Variants in DRD3 observed in about 807,000 individuals in gnomAD.
DRD3 encodes the protein dopamine receptor D3, also known as D(3) dopamine receptor.
A neutral mutation model predicts 36.3 loss-of-function variants in DRD3; 19 were observed. The observed-to-expected ratio is 0.52, with a 90% confidence interval of 0.36 to 0.77. The LOEUF is 0.77. Among genes scored for constraint, DRD3 ranks in the 30% least tolerant of loss-of-function variants. The pLI is 0.00. For synonymous variants in DRD3, 195 were observed against 203.7 expected (o/e 0.96, Z 0.36); for missense variants, 465 against 505.3 (o/e 0.92, Z 0.77).
rs546107061 is a variant in DRD3, at chr3:114,169,466, A to G, written c.270+2257T>C. Among the ~76,000 whole-genome samples the G allele has an allele frequency of 5.9e-4, 90 of 151,914 alleles. 1 individual carries two copies. Among genetic ancestry groups the G allele is most frequent in the African/African-American group, 2.1e-3 (88 of 41,462 alleles). Reference sequence around the variant, plus strand: ...TGTGTGAATATAGATTTTAAAAATCATGCTCTTATTGCTTCTCAGCCTTTT... The same window carrying G: ...TGTGTGAATATAGATTTTAAAAATCGTGCTCTTATTGCTTCTCAGCCTTTT... On this transcript the variant is annotated intron_variant, in intron 2 of 6. Coordinates refer to ENST00000383673, the MANE Select transcript of DRD3 (RefSeq NM_000796.6).
At chr3:114,131,941 C>A (rs142040385) in intron 5 of DRD3, among the ~76,000 whole-genome samples, 21 of 152,214 alleles carry the variant, frequency 1.4e-4, no homozygotes, top group African/African-American at 4.8e-4. Context: ...AGAATAGGCA[C>A]GCTTTTACAC....
At chr3:114,131,742 G>C (rs1219379026) in intron 5 of DRD3, among the ~76,000 whole-genome samples, 8 of 152,152 alleles carry the variant, frequency 5.3e-5, no homozygotes, top group Non-Finnish European at 8.8e-5. Flanking sequence ...CCATTAAAAA[G>C]TGGGCAAAGG....
Position 114,143,278 on chromosome 3 carries a change from C to A in DRD3, c.527-3582G>T, listed in dbSNP as rs59436054. Reference sequence around the variant, plus strand: ...AGAGGATAATGGAGAAGGCCTGTGCCGGGGGAGGGGAGGTTACTCCTCCTC... The same window carrying A: ...AGAGGATAATGGAGAAGGCCTGTGCAGGGGGAGGGGAGGTTACTCCTCCTC... On this transcript the variant is annotated intron_variant, in intron 4 of 6. Transcript: ENST00000383673. Among the ~76,000 whole-genome samples the A allele has an allele frequency of 5.5e-3, 832 of 152,278 alleles. 4 individuals carry two copies. The highest frequency in any genetic ancestry group is 0.019 in the African/African-American group (804 of 41,550).
At chr3:114,175,458 A>C (rs1451299410) in intron 1 of DRD3, among the ~76,000 whole-genome samples, 1 of 152,162 alleles carries the variant, frequency 6.6e-6, no homozygotes, top group African/African-American at 2.4e-5. Context: ...GACGATATTC[A>C]TGATGGCATT....
At chr3:114,135,728 C>T (rs1057226189) in intron 5 of DRD3, among the ~76,000 whole-genome samples, 13 of 151,764 alleles carry the variant, frequency 8.6e-5, no homozygotes, top group East Asian at 1.9e-4. Flanking sequence ...TTCCCTCTGT[C>T]GCCCAGGCTG....
chr3:114,134,117 A>T (rs1215231815), intron 5 of DRD3, among the ~76,000 whole-genome samples: 1 of 152,200 alleles, frequency 6.6e-6, no homozygotes, highest in Non-Finnish European at 1.5e-5. Context: ...TACGTAAGTT[A>T]TTCAGTGTCA....
chr3:114,192,459 G>A (rs556651742), intron 1 of DRD3, among the ~76,000 whole-genome samples: 18 of 152,272 alleles, frequency 1.2e-4, no homozygotes, highest in South Asian at 6.2e-4. Context: ...TCAATGCCTT[G>A]ATAATGCTTG....
chr3:114,156,880 TCTTTC>T (rs2077684500), intron 3 of DRD3, among the ~76,000 whole-genome samples: 2 of 1,950 alleles, frequency 1.0e-3, no homozygotes, highest in South Asian at 0.02. Context: ...TTTTTCTTTC[TCTTTC>T]TTTTCTTCTC....
At chr3:114,187,809 T>C (rs187273408) in intron 1 of DRD3, among the ~76,000 whole-genome samples, 41 of 152,320 alleles carry the variant, frequency 2.7e-4, no homozygotes, top group South Asian at 1.7e-3. Context: ...CTGTTACTTA[T>C]GTTTTAAAAA....
At chr3:114,158,823 A>G (rs2077705903) in intron 3 of DRD3, among the ~76,000 whole-genome samples, 1 of 152,156 alleles carries the variant, frequency 6.6e-6, no homozygotes, top group Non-Finnish European at 1.5e-5. Flanking sequence ...GATGGATGAT[A>G]TTACTGGGAG....
chr3:114,153,166 G>A (rs2077634564), intron 3 of DRD3, among the ~76,000 whole-genome samples: 3 of 152,094 alleles, frequency 2.0e-5, no homozygotes, highest in Admixed American at 6.5e-5. Flanking sequence ...CCAGTGGTTT[G>A]TTTTTTCTAA....
rs77109748 is a variant in DRD3 at position 114,131,074 on chromosome 3, C to A, written c.1006+44G>T. The A allele has an allele frequency of 3.3e-3, 5,216 of 1,585,094 alleles. 80 individuals carry two copies. In the African/African-American group the frequency reaches 0.044, roughly 13 times the overall value. ...TCTACCAGCTCCACTTAACTTAACACAACCTAACCCAACCCAACACAGCTC... is the reference window on the plus strand; with the variant it reads ...TCTACCAGCTCCACTTAACTTAACAAAACCTAACCCAACCCAACACAGCTC... On this transcript the variant is annotated intron_variant, in intron 6 of 6. Coordinates refer to ENST00000383673, the MANE Select transcript of DRD3 (RefSeq NM_000796.6).
chr3:114,142,318 A>AAG (rs1425734098), intron 4 of DRD3, among the ~76,000 whole-genome samples: 1 of 152,138 alleles, frequency 6.6e-6, no homozygotes, highest in African/African-American at 2.4e-5. Context: ...CACGTGTGAG[A>AAG]AGAGGCCAGT....
intron 1 of DRD3, among the ~76,000 whole-genome samples, chr3:114,187,508 G>C (rs1441263393): frequency 6.6e-6 from 1 of 152,198 alleles, no homozygotes; most frequent in African/African-American, 2.4e-5. Context: ...TGAAGCTTTT[G>C]TTGCTTCCAC....
At chr3:114,149,432 C>T (rs1006777834) in intron 3 of DRD3, among the ~76,000 whole-genome samples, 2 of 152,208 alleles carry the variant, frequency 1.3e-5, no homozygotes, top group African/African-American at 4.8e-5. Context: ...TCGTTGGTCT[C>T]CTGCTGCCAG....
chr3:114,179,817 G>T (rs1400477401), upstream of DRD3, among the ~76,000 whole-genome samples: 1 of 152,146 alleles, frequency 6.6e-6, no homozygotes, highest in Non-Finnish European at 1.5e-5. Context: ...ACCTCTGCTG[G>T]CTGAGAAAGA....
Position 114,171,821 on chromosome 3 carries a change from G to A in DRD3, c.172C>T (p.Arg58Trp), listed in dbSNP as rs376795590. 1.6e-5 allele frequency: 26 copies of A among 1,614,058 alleles called. No individual in the cohort carries two copies. Among genetic ancestry groups the A allele is most frequent in the Middle Eastern group, 1.6e-4 (1 of 6,062 alleles). Reference protein sequence around the residue: ...GLVCMAVLKERALQTTTNYLV... With the variant: ...GLVCMAVLKEWALQTTTNYLV... Reference sequence around the variant, plus strand: ...TAGTTGGTGGTAGTCTGCAGGGCCCGCTCCTTCAGCACAGCCATGCACACC... The same window carrying A: ...TAGTTGGTGGTAGTCTGCAGGGCCCACTCCTTCAGCACAGCCATGCACACC... The change falls in exon 2 of 7, where the codon CGG (arginine) becomes TGG (tryptophan). Residue 58 changes from arginine to tryptophan, a missense_variant. Arg to Trp is a moderately radical substitution (Grantham distance 101). Coordinates refer to ENST00000383673, the MANE Select transcript of DRD3 (RefSeq NM_000796.6).
intron 1 of DRD3, among the ~76,000 whole-genome samples, chr3:114,178,432 C>T (rs1003884432): frequency 2.6e-5 from 4 of 151,980 alleles, no homozygotes; most frequent in African/African-American, 9.7e-5. Flanking sequence ...CACAAGGATA[C>T]AATTTTGGGG....
At chr3:114,191,559 A>G (rs1266624397) in intron 1 of DRD3, among the ~76,000 whole-genome samples, 5 of 152,168 alleles carry the variant, frequency 3.3e-5, no homozygotes, top group African/African-American at 1.2e-4. Flanking sequence ...TTGAAGGTTT[A>G]AGCAGAGAAA....
Sources: gnomAD v4.1 joint callset for allele counts (sites outside exome capture counted in the v4.1 genomes callset) on GRCh38, gnomAD v4.1.1 for gene constraint, MANE v1.5 for transcripts, NCBI Gene and HGNC (gene_info 2026-07-23, HGNC 2026-07-21) for gene names.